AKR1C3: variants seen among roughly 807,000 people sequenced by gnomAD.
AKR1C3 encodes the protein 3-alpha hydroxysteroid dehydrogenase, type II.
Under a neutral mutation model 43.6 loss-of-function variants are expected in AKR1C3, and 48 were observed. The observed-to-expected ratio is 1.10, with a 90% CI of 0.87 to 1.40. The LOEUF (loss-of-function observed/expected upper bound fraction) is 1.40. AKR1C3 is among the 40% of genes most tolerant of loss of function. AKR1C3 has a pLI of 0.00. For missense variants in AKR1C3, 482 were observed against 391.2 expected, an observed-to-expected ratio of 1.23 and a Z score of -1.96; for synonymous variants, 162 against 139.6, an observed-to-expected ratio of 1.16 and a Z score of -1.13.
chr10:5,105,295 T>G (rs1373828234), intron 7 of AKR1C3: 1 of 8,524 alleles, frequency 1.2e-4, no homozygotes, highest in Non-Finnish European at 2.6e-4. Flanking sequence ...CCCTATCATG[T>G]GGGCACAATG....
At chr10:5,077,686 C>T in intron 1 of AKR1C3, 1 of 1,118,104 alleles carries the variant, frequency 8.9e-7, no homozygotes, top group Non-Finnish European at 1.1e-6. Flanking sequence ...GTTTGCTTGC[C>T]ATTGAAACTA....
chr10:5,095,911 C>T (rs1564368294), intron 1 of AKR1C3, among the ~76,000 whole-genome samples: 3 of 152,010 alleles, frequency 2.0e-5, no homozygotes, highest in Admixed American at 6.6e-5. Flanking sequence ...CTAGTTGGGT[C>T]GATGTAACTA....
Position 5,097,531 on chromosome 10 carries a change from A to G in AKR1C3, c.350A>G (p.His117Arg). 1.2e-6 allele frequency: 2 copies of G among 1,613,740 alleles called. No individual in the cohort carries two copies. Among genetic ancestry groups the G allele is most frequent in the Non-Finnish European group, 1.7e-6 (2 of 1,179,698 alleles). Residue 117 changes from histidine (H) to arginine (R), a missense_variant, in exon 3 of 9, where the codon CAT (histidine) becomes CGT (arginine). Transcript: ENST00000380554. ...QLDYVDLYLI[H>R]SPMSLKPGEE... The stretch of plus-strand genomic sequence containing the variant: ...GACTATGTTGACCTCTATCTTATTC[A>G]TTCTCCAATGTCTCTAAAGGTATGC...
intron 1 of AKR1C3, among the ~76,000 whole-genome samples, chr10:5,067,738 T>A (rs1554780922): frequency 1.2e-4 from 19 of 152,194 alleles, no homozygotes; most frequent in Non-Finnish European, 2.8e-4. Context: ...AAACAATAGT[T>A]ATAAACTATG....
intron 5 of AKR1C3, among the ~76,000 whole-genome samples, chr10:5,100,662 C>T (rs1484173407): frequency 6.6e-6 from 1 of 152,126 alleles, no homozygotes; most frequent in African/African-American, 2.4e-5. Flanking sequence ...TAAAGATCTA[C>T]CATTGAAATG....
chr10:5,061,113 G>A (rs532808500), intron 1 of AKR1C3, among the ~76,000 whole-genome samples: 2 of 152,236 alleles, frequency 1.3e-5, no homozygotes, highest in Non-Finnish European at 2.9e-5. Context: ...GGGCTGAAGG[G>A]CTCCTCAAGT....
rs192314534 is a variant in AKR1C3, at chr10:5,099,328, C to T, written c.449C>T (p.Ala150Val). ...DIVDLCTTWE[A>V]MEKCKDAGLA... is the part of the protein sequence containing the mutation. ...TCCTCACAACCCCTTTCTCCACAGG[C>T]CATGGAGAAGTGTAAGGATGCAGGA... The change falls in exon 5 of 9, where the codon GCC becomes GTC. Residue 150 changes from alanine to valine, a missense_variant and splice_region_variant. Ala to Val is a moderately conservative substitution (Grantham distance 64). Coordinates refer to ENST00000380554, the MANE Select transcript of AKR1C3 (RefSeq NM_003739.6). 1.6e-5 allele frequency: 26 copies of T among 1,614,160 alleles called. No homozygotes were observed. The highest frequency in any genetic ancestry group is 1.3e-4 in the East Asian group (6 of 44,888).
At chr10:5,089,720 A>G (rs782441387), upstream of AKR1C3, among the ~76,000 whole-genome samples, 3 of 151,990 alleles carry the variant, frequency 2.0e-5, no homozygotes, top group African/African-American at 4.8e-5. Context: ...TTTGAATTCT[A>G]TACCTGACGT....
At chr10:5,060,065 A>G (rs1380777654) in intron 1 of AKR1C3, among the ~76,000 whole-genome samples, 3 of 151,960 alleles carry the variant, frequency 2.0e-5, no homozygotes, top group Non-Finnish European at 4.4e-5. Flanking sequence ...TTAAGGTGGA[A>G]CGTCTGGAGT....
chr10:5,081,619 A>C (rs2131817914), intron 1 of AKR1C3: 1 of 152,272 alleles, frequency 6.6e-6, no homozygotes, highest in South Asian at 2.1e-4. Flanking sequence ...ACTCCCATAA[A>C]GCCAACCAAC....
At chr10:5,080,185 T>TTTG (rs1554782216) in intron 1 of AKR1C3, among the ~76,000 whole-genome samples, 2 of 34,082 alleles carry the variant, frequency 5.9e-5, no homozygotes, top group African/African-American at 6.5e-4. Context: ...AGTAAGAACA[T>TTTG]CTTAAGATGT....
intron 1 of AKR1C3, among the ~76,000 whole-genome samples, chr10:5,049,085 G>A (rs1226235564): frequency 6.6e-6 from 1 of 151,002 alleles, no homozygotes; most frequent in East Asian, 2.0e-4. Flanking sequence ...AAGTCTGGTT[G>A]CATGGTCATC....
At chr10:5,100,271 G>A (rs1839315555) in intron 5 of AKR1C3, among the ~76,000 whole-genome samples, 1 of 152,164 alleles carries the variant, frequency 6.6e-6, no homozygotes, top group Non-Finnish European at 1.5e-5. Flanking sequence ...TCCAGCCTGG[G>A]CAACAAGAGT....
At position 5,098,850 on chromosome 10, in the gene AKR1C3, G is replaced by C. The variant is rs782478841; in HGVS notation, c.418G>C (p.Asp140His). Residue 140 changes from aspartate to histidine, a missense_variant, in exon 4 of 9, where the codon GAC becomes CAC. By Grantham distance (81) the Asp-to-His change is moderately conservative. Coordinates refer to ENST00000380554, the MANE Select transcript of AKR1C3 (RefSeq NM_003739.6). ...PTDENGKVIF[D>H]IVDLCTTWEA... is the part of the protein sequence containing the mutation. ...AGATGAAAATGGAAAAGTAATATTT[G>C]ACATAGTGGATCTCTGTACCACCTG... 6.2e-7 allele frequency: 1 copy of C among 1,613,820 alleles called. No individual in the cohort carries two copies. The highest frequency in any genetic ancestry group is 8.5e-7 in the Non-Finnish European group (1 of 1,179,898).
chr10:5,062,946 A>G (rs1403356064), intron 1 of AKR1C3, among the ~76,000 whole-genome samples: 1 of 152,052 alleles, frequency 6.6e-6, no homozygotes, highest in Non-Finnish European at 1.5e-5. Flanking sequence ...AATGTAAGAA[A>G]ATGGTATAGG....
intron 1 of AKR1C3, among the ~76,000 whole-genome samples, chr10:5,067,261 TAAAAG>T (rs1400338615): frequency 6.6e-6 from 1 of 152,136 alleles, no homozygotes; most frequent in Non-Finnish European, 1.5e-5. Flanking sequence ...GAAAAAATAA[TAAAAG>T]ATAAGAATTT....
At chr10:5,053,933 T>TA (rs1393921494) in intron 1 of AKR1C3, among the ~76,000 whole-genome samples, 1 of 152,078 alleles carries the variant, frequency 6.6e-6, no homozygotes, top group Admixed American at 6.5e-5. Context: ...ACAAGAAGGT[T>TA]AAAAATACAG....
chr10:5,088,812 A>G (rs987794757), intron 1 of AKR1C3, among the ~76,000 whole-genome samples: 41 of 151,876 alleles, frequency 2.7e-4, no homozygotes, highest in African/African-American at 9.7e-4. Context: ...CTCAAGGTTA[A>G]CCTAGATATA....
intron 1 of AKR1C3, among the ~76,000 whole-genome samples, chr10:5,058,045 C>T (rs544494787): frequency 1.3e-5 from 2 of 152,264 alleles, no homozygotes; most frequent in Admixed American, 6.5e-5. Context: ...ATTCCCCTCC[C>T]CTACAGCTTG....
Sources: gnomAD v4.1 joint callset for allele counts (sites outside exome capture counted in the v4.1 genomes callset) on GRCh38, gnomAD v4.1.1 for gene constraint, MANE v1.5 for transcripts, NCBI Gene and HGNC (gene_info 2026-07-23, HGNC 2026-07-21) for gene names.